Variants in ATPAF1 observed in about 807,000 individuals in gnomAD.
ATPAF1 encodes the protein homolog of yeast ATP11.
Under a neutral mutation model 43.9 loss-of-function variants are expected in ATPAF1, and 26 were observed. That is an observed-to-expected ratio of 0.59 (90% confidence interval 0.43 to 0.82). ATPAF1 has a LOEUF of 0.82. Ranked by LOEUF, ATPAF1 falls within the 40% of genes least tolerant of loss-of-function variation. ATPAF1 has a pLI of 0.00. For synonymous variants in ATPAF1, 157 were observed against 168.0 expected (o/e 0.93, Z 0.50); for missense variants, 366 against 435.0 (o/e 0.84, Z 1.41).
intron 8 of ATPAF1, among the ~76,000 whole-genome samples, chr1:46,640,454 AC>A (rs1675929023): frequency 1.3e-5 from 2 of 152,160 alleles, no homozygotes; most frequent in Admixed American, 6.5e-5. Flanking sequence ...TACTAAAAAT[AC>A]AAAAATTAGC....
At chr1:46,664,509 T>A (rs1676454042) in intron 2 of ATPAF1, 1 of 152,328 alleles carries the variant, frequency 6.6e-6, no homozygotes, top group Admixed American at 6.5e-5. Flanking sequence ...GTTTAATGCC[T>A]AACTTATTTC....
chr1:46,633,394 A>G (rs775764318), downstream of ATPAF1: 4 of 214,368 alleles, frequency 1.9e-5, no homozygotes, highest in Admixed American at 1.3e-4. Context: ...TATGAGGTAG[A>G]TATTATTATC....
chr1:46,665,768 C>A, intron 1 of ATPAF1: 4 of 1,506,350 alleles, frequency 2.7e-6, no homozygotes, highest in Non-Finnish European at 3.5e-6. Flanking sequence ...GAAAATATGT[C>A]CCCCCAACCA....
intron 3 of ATPAF1, 80 bp from the exon 4 acceptor site, chr1:46,658,269 G>A: frequency 9.1e-7 from 1 of 1,102,608 alleles, no homozygotes; most frequent in Non-Finnish European, 1.3e-6. Context: ...TAAGCCTGTG[G>A]CAAACATGTC....
intron 2 of ATPAF1, 63 bp from the exon 3 acceptor site, chr1:46,658,800 T>C: frequency 2.5e-6 from 3 of 1,177,252 alleles, no homozygotes; most frequent in Non-Finnish European, 2.4e-6. Flanking sequence ...GTAACTAAGC[T>C]AGGTGAAGTA....
Position 46,645,145 on chromosome 1 carries a change from G to C in ATPAF1, c.684+16C>G, listed in dbSNP as rs550529855. ...GTAGTCCTCTTTCCTCTAGAGGAAG[G>C]GCACAAGCCACCTACCTGAATATTT... On this transcript the variant is annotated intron_variant, in intron 7 of 8. Transcript: ENST00000574428. 2.6e-5 allele frequency: 41 copies of C among 1,601,112 alleles called. No individual in the cohort carries two copies. In the South Asian group the frequency reaches 3.5e-4, roughly 14 times the overall value.
chr1:46,661,972 G>A lies in ATPAF1; in HGVS notation c.376-3235C>T, dbSNP rs566108454. Among the ~76,000 whole-genome samples, 4 of 149,668 alleles carry A rather than the reference G, an allele frequency of 2.7e-5. No individual in the cohort carries two copies. The South Asian group carries it at 8.4e-4, about 31-fold the overall frequency. On this transcript the variant is annotated intron_variant, in intron 2 of 8. Coordinates refer to ENST00000574428, the Ensembl canonical transcript of ATPAF1. ...TGCAGTGGTGTGATCTCCGCTCACT[G>A]CAGGCTCCGCCTCCTGGCTCCACGC...
At chr1:46,661,680 T>A (rs78159844) in intron 2 of ATPAF1, among the ~76,000 whole-genome samples, 4,049 of 152,228 alleles carry the variant, frequency 0.027, 150 homozygotes, top group African/African-American at 0.092. Context: ...TTAAAAAATG[T>A]ATTATAAAAG....
At chr1:46,654,073 T>TTTAA (rs1275148398) in intron 4 of ATPAF1, among the ~76,000 whole-genome samples, 3 of 152,340 alleles carry the variant, frequency 2.0e-5, no homozygotes, top group Admixed American at 2.0e-4. Flanking sequence ...TAACTCTTAA[T>TTTAA]AACAAATTCC....
At position 46,658,192 on chromosome 1, in the gene ATPAF1, T is replaced by C. The variant is rs373026386; in HGVS notation, c.427-3A>G. On this transcript the variant is annotated splice_polypyrimidine_tract_variant and splice_region_variant and intron_variant, in intron 3 of 8. Transcript: ENST00000574428. The stretch of plus-strand genomic sequence containing the variant: ...ATGTTAAAGATTGAACTGAGAGTCT[T>C]GAAAGAGACAATAAAAAGCAATTAA... 18 of 1,592,914 alleles carry C rather than the reference T, an allele frequency of 1.1e-5. No individual in the cohort carries two copies. The highest frequency in any genetic ancestry group is 2.2e-5 in the East Asian group (1 of 44,680).
chr1:46,642,298 C>A (rs1014030641), intron 8 of ATPAF1, among the ~76,000 whole-genome samples: 1 of 152,188 alleles, frequency 6.6e-6, no homozygotes, highest in Non-Finnish European at 1.5e-5. Flanking sequence ...TCTCCCTATG[C>A]AGCTGGTAAG....
At chr1:46,641,404 C>T (rs1179736230) in intron 8 of ATPAF1, among the ~76,000 whole-genome samples, 1 of 152,154 alleles carries the variant, frequency 6.6e-6, no homozygotes. Flanking sequence ...CATCAGCATA[C>T]AAATATGTTT....
chr1:46,640,975 A>G (rs1312571401), intron 8 of ATPAF1, among the ~76,000 whole-genome samples: 1 of 152,194 alleles, frequency 6.6e-6, no homozygotes, highest in Non-Finnish European at 1.5e-5. Context: ...CCTGGTAAAG[A>G]TCAACCCCTC....
chr1:46,633,875 A>C (rs777620161), downstream of ATPAF1: 1 of 454,222 alleles, frequency 2.2e-6, no homozygotes, highest in South Asian at 1.6e-5. Flanking sequence ...AAACAACCCC[A>C]TCTGATGTCA....
At chr1:46,659,730 G>A (rs1347042851) in intron 2 of ATPAF1, among the ~76,000 whole-genome samples, 1 of 152,090 alleles carries the variant, frequency 6.6e-6, no homozygotes, top group Non-Finnish European at 1.5e-5. Flanking sequence ...AAGTACATTC[G>A]ACACCTGGGA....
Position 46,652,491 on chromosome 1 carries a change from T to G in ATPAF1, c.588+90A>C. On this transcript the variant is annotated intron_variant, in intron 6 of 8. Coordinates refer to ENST00000574428, the Ensembl canonical transcript of ATPAF1. ...TAAGTAAACAGAGCACTATAACATGTGAGACAGTATGGAATATGACGTGAT... is the reference window on the plus strand; with the variant it reads ...TAAGTAAACAGAGCACTATAACATGGGAGACAGTATGGAATATGACGTGAT... 3.9e-4 allele frequency: 509 copies of G among 1,289,248 alleles called. 1 individual carries two copies. Among genetic ancestry groups the G allele is most frequent in the Non-Finnish European group, 5.2e-4 (471 of 901,308 alleles). 79.9% of individuals were successfully genotyped at this position (1,289,248 alleles called of 1,614,324 possible).
intron 2 of ATPAF1, among the ~76,000 whole-genome samples, chr1:46,660,055 C>A (rs1676358895): frequency 6.6e-6 from 1 of 151,614 alleles, no homozygotes; most frequent in South Asian, 2.1e-4. Flanking sequence ...CGGCTCACTG[C>A]AACCTCTGCC....
intron 2 of ATPAF1, among the ~76,000 whole-genome samples, chr1:46,660,812 G>A (rs929993552): frequency 1.3e-5 from 2 of 152,014 alleles, no homozygotes; most frequent in African/African-American, 4.8e-5. Flanking sequence ...CTACATTATG[G>A]GAGGGGTGTC....
intron 6 of ATPAF1, among the ~76,000 whole-genome samples, chr1:46,651,570 G>A (rs1166926957): frequency 3.3e-5 from 5 of 151,872 alleles, no homozygotes; most frequent in East Asian, 1.9e-4. Context: ...CTGAGGAATC[G>A]CCACACTGAC....
Sources: gnomAD v4.1 joint callset for allele counts (sites outside exome capture counted in the v4.1 genomes callset) on GRCh38, gnomAD v4.1.1 for gene constraint, MANE v1.5 for transcripts, NCBI Gene and HGNC (gene_info 2026-07-23, HGNC 2026-07-21) for gene names.